The following GAL3ST2 variants were observed in gnomAD, a reference collection of about 807,000 sequenced individuals.
The protein encoded by GAL3ST2 is beta-galactose-3-O-sulfotransferase 2.
A neutral mutation model predicts 12.9 loss-of-function variants in GAL3ST2; 16 were observed. The ratio of observed to expected loss-of-function variants is 1.24; its 90% CI spans 0.84 to 1.88. GAL3ST2 has a LOEUF of 1.88. Among genes scored for constraint, GAL3ST2 ranks in the 40% most tolerant of loss-of-function variants. GAL3ST2 has a pLI of 0.00. For synonymous variants in GAL3ST2, 302 were observed against 273.9 expected (o/e 1.10, Z -1.01); for missense variants, 639 against 571.8 (o/e 1.12, Z -1.20).
In GAL3ST2 at chr2:241,803,376, ACTT is replaced by A; in HGVS notation, c.410_412del (p.Phe137del). 4.4e-6 allele frequency: 7 copies of A among 1,608,248 alleles called. No homozygotes were observed. The highest frequency in any genetic ancestry group is 5.1e-6 in the Non-Finnish European group (6 of 1,176,048). On this transcript the variant is annotated inframe_deletion, in exon 4 of 4. Coordinates refer to ENST00000192314, the MANE Select transcript of GAL3ST2 (RefSeq NM_022134.3). ...AAAGTCATGCCCAACGACACCTTCT[ACTT>A]CTCCATCCTGAGGAACCCCGTGTTC...
At chr2:241,781,821 G>A (rs75716572) in intron 1 of GAL3ST2, among the ~76,000 whole-genome samples, 20,092 of 126,148 alleles carry the variant, frequency 0.16, no homozygotes, top group African/African-American at 0.29. Flanking sequence ...AGAAAAAGAC[G>A]TAATTTATAA....
At chr2:241,789,250 T>C (rs1575363481) in intron 1 of GAL3ST2, among the ~76,000 whole-genome samples, 2 of 152,202 alleles carry the variant, frequency 1.3e-5, no homozygotes, top group Non-Finnish European at 2.9e-5. Context: ...ATTTATCTCA[T>C]GGCTAAAGTA....
chr2:241,790,251 C>T lies in GAL3ST2; in HGVS notation c.30-8814C>T, dbSNP rs181293815. Among the ~76,000 whole-genome samples the T allele has an allele frequency of 1.0e-3, 156 of 152,232 alleles. 1 individual carries two copies. Among genetic ancestry groups the T allele is most frequent in the Middle Eastern group, 3.4e-3 (1 of 294 alleles). On this transcript the variant is annotated intron_variant, in intron 1 of 3. Transcript: ENST00000192314. ...GCATTAGAATAGAGAAAGAAACTTT[C>T]CAGACTCTCATGGAGAGCAGAAATG... is the stretch of plus-strand genomic sequence containing the variant.
chr2:241,794,054 C>T (rs1375311807), intron 1 of GAL3ST2, among the ~76,000 whole-genome samples: 1 of 152,078 alleles, frequency 6.6e-6, no homozygotes, highest in Admixed American at 6.6e-5. Flanking sequence ...TCAGGTGATC[C>T]TCCTGCATCA....
intron 1 of GAL3ST2, among the ~76,000 whole-genome samples, chr2:241,797,539 C>G (rs1699787309): frequency 6.6e-6 from 1 of 151,626 alleles, no homozygotes; most frequent in Non-Finnish European, 1.5e-5. Flanking sequence ...GGAGTGAGGA[C>G]CTGCTGCTCA....
rs1420265347 is a variant in GAL3ST2, at chr2:241,793,806, G to C, written c.30-5259G>C. On this transcript the variant is annotated intron_variant, in intron 1 of 3. Transcript: ENST00000192314. This position sits in a 1 kb window ranked among gnomAD's most constrained non-coding sequence, Gnocchi z 4.7. ...GTGTGTGTGTGTATTGTGTGTGTAT[G>C]TTTGTGTGTGTGTTTAATCCTGGAG... 6.7e-6 allele frequency among the ~76,000 whole-genome samples: 1 copy of C among 149,740 alleles called. No individual in the cohort carries two copies. Among genetic ancestry groups the C allele is most frequent in the Non-Finnish European group, 1.5e-5 (1 of 67,964 alleles).
rs762011937 is a variant in GAL3ST2 at position 241,787,540 on chromosome 2, C to CTCCTTTTT, written c.29+10557_29+10558insCCTTTTTT. On this transcript the variant is annotated intron_variant, in intron 1 of 3. Transcript: ENST00000192314. ...TTATTTTGCTGTACAACTTCTCCTC[C>CTCCTTTTT]TTTTTTTTTTTTTTTTTGGAGTTTT... 5.9e-5 allele frequency among the ~76,000 whole-genome samples: 8 copies of CTCCTTTTT among 136,262 alleles called. 1 individual carries two copies. Among genetic ancestry groups the CTCCTTTTT allele is most frequent in the African/African-American group, 1.1e-4 (4 of 36,084 alleles). 89.4% of individuals were successfully genotyped at this position (136,262 alleles called of 152,430 possible).
Position 241,800,960 on chromosome 2 carries a change from A to T in GAL3ST2, c.120-821A>T, listed in dbSNP as rs1699835503. ...CCTTTTATTTTTTAATTTTTAAAAA[A>T]TTTACTTTAAGTTCTGGGACACACG... is the stretch of plus-strand genomic sequence containing the variant. On this transcript the variant is annotated intron_variant, in intron 2 of 3. Transcript: ENST00000192314. The surrounding 1 kb of genome is among the most constrained non-coding windows in gnomAD (Gnocchi z 5.2). 1 of 152,122 alleles carries T rather than the reference A, an allele frequency of 6.6e-6. No individual in the cohort carries two copies. Among genetic ancestry groups the T allele is most frequent in the African/African-American group, 2.4e-5 (1 of 41,420 alleles). 9.4% of individuals were successfully genotyped at this position (152,122 alleles called of 1,614,324 possible).
At chr2:241,803,077 G>A (rs1245958063) in intron 3 of GAL3ST2, among the ~76,000 whole-genome samples, 1 of 152,146 alleles carries the variant, frequency 6.6e-6, no homozygotes, top group Non-Finnish European at 1.5e-5. Context: ...CTCTGCCCAC[G>A]GACTCCTCCT....
In GAL3ST2 at chr2:241,803,695, CTGGGCGCTGGACGACG is replaced by C. The variant is rs1266771042; in HGVS notation, c.730_745del (p.Ala244TrpfsTer122). 2.6e-6 allele frequency: 4 copies of C among 1,545,246 alleles called. No homozygotes were observed. The African/African-American group carries it at 5.5e-5, about 21-fold the overall frequency. The stretch of plus-strand genomic sequence containing the variant: ...TGGTGCTGCTGCGGCGCCGGCTGCG[CTGGGCGCTGGACGACG>C]TGGTGGCCTTCAGGCTCAACTCCCG... On this transcript the variant is annotated frameshift_variant, in exon 4 of 4. Coordinates refer to ENST00000192314, the MANE Select transcript of GAL3ST2 (RefSeq NM_022134.3). LOFTEE classifies it low-confidence loss of function (END_TRUNC).
In GAL3ST2 at chr2:241,802,523, G is replaced by A. The variant is rs1224996892; in HGVS notation, c.375+487G>A. Among the ~76,000 whole-genome samples, 2 of 152,076 alleles carry A rather than the reference G, an allele frequency of 1.3e-5. No homozygotes were observed. The highest frequency in any genetic ancestry group is 4.8e-5 in the African/African-American group (2 of 41,534). On this transcript the variant is annotated intron_variant, in intron 3 of 3. Transcript: ENST00000192314. This position sits in a 1 kb window ranked among gnomAD's most constrained non-coding sequence, Gnocchi z 4.8. ...AGGGTCACCCTGAGCGCTCTGTGGA[G>A]AATGGCCAGCAGAGGCTAGGTGACC...
At chr2:241,789,558 G>A (rs1371371988) in intron 1 of GAL3ST2, among the ~76,000 whole-genome samples, 1 of 152,140 alleles carries the variant, frequency 6.6e-6, no homozygotes, top group Non-Finnish European at 1.5e-5. Context: ...TCTAAGATAG[G>A]GAAAAAAATA....
Position 241,793,605 on chromosome 2 carries a change from G to A in GAL3ST2, c.30-5460G>A, listed in dbSNP as rs1699730805. On this transcript the variant is annotated intron_variant, in intron 1 of 3. Transcript: ENST00000192314. This position sits in a 1 kb window ranked among gnomAD's most constrained non-coding sequence, Gnocchi z 4.7. ...TGTATGTATGTATATGTGTATATGT[G>A]TGTGTATTGTGTGTGTACATATTGT... Among the ~76,000 whole-genome samples, 1 of 129,802 alleles carries A rather than the reference G, an allele frequency of 7.7e-6. No homozygotes were observed. The highest frequency in any genetic ancestry group is 3.4e-5 in the African/African-American group (1 of 29,500). 85.2% of individuals were successfully genotyped at this position (129,802 alleles called of 152,430 possible).
At chr2:241,783,611 T>C (rs893042526) in intron 1 of GAL3ST2, among the ~76,000 whole-genome samples, 1 of 152,250 alleles carries the variant, frequency 6.6e-6, no homozygotes, top group Non-Finnish European at 1.5e-5. Flanking sequence ...TAATTTAATA[T>C]AACTTTAGAT....
intron 1 of GAL3ST2, among the ~76,000 whole-genome samples, chr2:241,791,074 C>T (rs1163306176): frequency 1.3e-5 from 2 of 152,198 alleles, no homozygotes; most frequent in Middle Eastern, 3.2e-3. Flanking sequence ...TGATTGATGT[C>T]TCATGTCTCC....
At chr2:241,778,055 C>T (rs1034372863) in intron 1 of GAL3ST2, among the ~76,000 whole-genome samples, 15 of 152,316 alleles carry the variant, frequency 9.8e-5, no homozygotes, top group African/African-American at 3.4e-4. Context: ...GCAGGCTGCA[C>T]GTCCCACACT....
intron 1 of GAL3ST2, among the ~76,000 whole-genome samples, chr2:241,782,878 C>T (rs1699582830): frequency 6.6e-6 from 1 of 152,126 alleles, no homozygotes. Context: ...TGGCTCACAC[C>T]TGTAATCCCA....
chr2:241,788,535 A>T (rs1699654903), intron 1 of GAL3ST2, among the ~76,000 whole-genome samples: 2 of 152,102 alleles, frequency 1.3e-5, no homozygotes, highest in Non-Finnish European at 2.9e-5. Context: ...GAGGAACTGA[A>T]CTGAACTGTT....
At position 241,793,630 on chromosome 2, in the gene GAL3ST2, TG is replaced by T. The variant is rs1699731916; in HGVS notation, c.30-5434del. ...GTGTGTATTGTGTGTGTACATATTG[TG>T]TTTGTGTGTACATATTGTGTATGCA... On this transcript the variant is annotated intron_variant, in intron 1 of 3. Transcript: ENST00000192314. The surrounding 1 kb of genome is among the most constrained non-coding windows in gnomAD (Gnocchi z 4.7). Among the ~76,000 whole-genome samples, 8 of 52,842 alleles carry T rather than the reference TG, an allele frequency of 1.5e-4. No homozygotes were observed. The African/African-American group carries it at 2.7e-3, about 18-fold the overall frequency. The allele number at this position is 52,842 out of a possible 152,430, so 34.7% of individuals were successfully genotyped here.
Sources: allele counts gnomAD v4.1 joint callset (sites outside exome capture counted in the v4.1 genomes callset), GRCh38; gene constraint gnomAD v4.1.1; non-coding constraint Gnocchi (gnomAD v3.1); transcripts MANE v1.5; gene names NCBI Gene and HGNC (gene_info 2026-07-23, HGNC 2026-07-21).